The following RIMS4 variants were observed in gnomAD, a reference collection of about 807,000 sequenced individuals.
RIMS4 encodes regulating synaptic membrane exocytosis protein 4.
A neutral mutation model predicts 29.0 loss-of-function variants in RIMS4; 9 were observed. The observed-to-expected ratio is 0.31, with a 90% CI of 0.19 to 0.54. The LOEUF (loss-of-function observed/expected upper bound fraction) is 0.54. Ranked by LOEUF, RIMS4 falls within the 20% of genes least tolerant of loss-of-function variation. RIMS4 has a pLI of 0.94. For synonymous variants in RIMS4, 130 were observed against 152.9 expected (o/e 0.85, Z 1.10); for missense variants, 193 against 365.7 (o/e 0.53, Z 3.85).
intron 1 of RIMS4, among the ~76,000 whole-genome samples, chr20:44,782,865 C>T (rs2066190825): frequency 6.6e-6 from 1 of 152,232 alleles, no homozygotes; most frequent in Admixed American, 6.5e-5. Context: ...GAGAACTCCT[C>T]AAGACACCAA....
chr20:44,766,948 C>A (rs2066116370), intron 2 of RIMS4, among the ~76,000 whole-genome samples: 1 of 152,200 alleles, frequency 6.6e-6, no homozygotes. Flanking sequence ...TCGTTAAGAG[C>A]TGGAATATAA....
At chr20:44,792,449 T>A (rs2066237185) in intron 1 of RIMS4, among the ~76,000 whole-genome samples, 1 of 152,070 alleles carries the variant, frequency 6.6e-6, no homozygotes, top group African/African-American at 2.4e-5. Context: ...TGTGCCACCA[T>A]GCACAGCTAA....
At chr20:44,777,403 A>G (rs945350552) in intron 1 of RIMS4, among the ~76,000 whole-genome samples, 5 of 152,262 alleles carry the variant, frequency 3.3e-5, no homozygotes, top group African/African-American at 1.2e-4. Context: ...ATGATAAATT[A>G]TGAAAACAGA....
intron 1 of RIMS4, among the ~76,000 whole-genome samples, chr20:44,773,239 G>A (rs66481162): frequency 0.1 from 15,763 of 152,086 alleles, 1,223 homozygotes; most frequent in African/African-American, 0.21. Flanking sequence ...GTGGGAGAGC[G>A]TGTGTGCCCC....
intron 4 of RIMS4, 66 bp downstream of exon 4, chr20:44,757,604 C>G (rs1394855396): frequency 7.6e-7 from 1 of 1,314,008 alleles, no homozygotes; most frequent in African/African-American, 1.4e-5. Context: ...TCAAGGCCCT[C>G]AGTACCCATC....
chr20:44,757,897 C>T, intron 3 of RIMS4, 126 bp from the exon 4 acceptor site: 1 of 975,400 alleles, frequency 1.0e-6, no homozygotes, highest in Non-Finnish European at 1.6e-6. Context: ...AAGACCAGAA[C>T]CAACTCCCAC....
intron 2 of RIMS4, among the ~76,000 whole-genome samples, chr20:44,769,414 C>G (rs1214850129): frequency 6.6e-6 from 1 of 152,202 alleles, no homozygotes; most frequent in Non-Finnish European, 1.5e-5. Context: ...CAGATATTTA[C>G]TGGCCTCAAA....
intron 1 of RIMS4, among the ~76,000 whole-genome samples, chr20:44,806,988 T>C (rs2066301622): frequency 6.6e-6 from 1 of 152,200 alleles, no homozygotes; most frequent in Admixed American, 6.5e-5. Context: ...TCCATGTTAT[T>C]ATTTTTCTTC....
chr20:44,805,142 A>G (rs1314576605), intron 1 of RIMS4, among the ~76,000 whole-genome samples: 1 of 148,180 alleles, frequency 6.7e-6, no homozygotes, highest in African/African-American at 2.5e-5. Flanking sequence ...CTACAAAAAG[A>G]AAAAAAAAAG....
intron 1 of RIMS4, among the ~76,000 whole-genome samples, chr20:44,802,532 G>A (rs1309127720): frequency 1.3e-5 from 2 of 152,174 alleles, no homozygotes; most frequent in African/African-American, 4.8e-5. Flanking sequence ...TGGGTCAGGT[G>A]AGATTCGAAG....
In RIMS4 at chr20:44,756,296, A is replaced by G. The variant is rs748890848; in HGVS notation, c.648T>C (p.Ala216=). ...RMERKQFMGV[A]RVLLEELDLT... is the part of the protein sequence containing the mutation. ...AGTCCAGCTCCTCCAGCAGCACGCG[A>G]GCCACACCCATGAACTGCTTCCGCT... Residue 216 remains alanine, a synonymous_variant, in exon 6 of 6, where the codon GCT becomes GCC. Transcript: ENST00000372851. The surrounding 1 kb of genome is among the most constrained non-coding windows in gnomAD (Gnocchi z 5.9). 1.9e-5 allele frequency: 30 copies of G among 1,614,022 alleles called. No individual in the cohort carries two copies. Among genetic ancestry groups the G allele is most frequent in the Non-Finnish European group, 2.5e-5 (29 of 1,179,996 alleles).
chr20:44,808,743 C>G (rs1352688565), intron 1 of RIMS4, among the ~76,000 whole-genome samples: 1 of 152,188 alleles, frequency 6.6e-6, no homozygotes, highest in Non-Finnish European at 1.5e-5. Context: ...ATTCATTCAC[C>G]AGTCAACAAA....
chr20:44,759,939 T>C lies in RIMS4; in HGVS notation c.237-1755A>G, dbSNP rs546626624. Among the ~76,000 whole-genome samples, 5 of 152,312 alleles carry C rather than the reference T, an allele frequency of 3.3e-5. No individual in the cohort carries two copies. In the East Asian group the frequency reaches 9.6e-4, roughly 29 times the overall value. On this transcript the variant is annotated intron_variant, in intron 2 of 5. Transcript: ENST00000372851. ...CCTTTTCCTGATTTCCTACTACCCC[T>C]GGCTTGCTTTCCCCATTCAGACAGT... is the stretch of plus-strand genomic sequence containing the variant.
chr20:44,786,541 G>A (rs530843350), intron 1 of RIMS4, among the ~76,000 whole-genome samples: 20 of 152,304 alleles, frequency 1.3e-4, no homozygotes, highest in African/African-American at 4.8e-4. Flanking sequence ...CAAGACAGAT[G>A]GGGGTCCTCA....
chr20:44,794,283 C>T (rs900869485), intron 1 of RIMS4, among the ~76,000 whole-genome samples: 1 of 152,124 alleles, frequency 6.6e-6, no homozygotes, highest in Non-Finnish European at 1.5e-5. Context: ...TCGCTTTCTT[C>T]CCCAGCAAGG....
chr20:44,801,136 A>G (rs1369676948), intron 1 of RIMS4, among the ~76,000 whole-genome samples: 1 of 152,184 alleles, frequency 6.6e-6, no homozygotes. Flanking sequence ...ACAGCTAGAA[A>G]GGGCCAGAGA....
At chr20:44,807,946 G>A (rs569303233) in intron 1 of RIMS4, among the ~76,000 whole-genome samples, 1 of 152,146 alleles carries the variant, frequency 6.6e-6, no homozygotes, top group African/African-American at 2.4e-5. Context: ...TTTCTACACA[G>A]TAAGGTCTGG....
At chr20:44,807,868 G>GCA (rs1341138114) in intron 1 of RIMS4, among the ~76,000 whole-genome samples, 2 of 151,880 alleles carry the variant, frequency 1.3e-5, no homozygotes, top group African/African-American at 4.8e-5. Context: ...CAGACAGTGA[G>GCA]CACAAGATGC....
chr20:44,796,814 T>C (rs184386889), intron 1 of RIMS4, among the ~76,000 whole-genome samples: 49 of 152,360 alleles, frequency 3.2e-4, no homozygotes, highest in African/African-American at 1.1e-3. Flanking sequence ...AACAAATGCT[T>C]GGAAGAGCTG....
Sources: gnomAD v4.1 joint callset for allele counts (sites outside exome capture counted in the v4.1 genomes callset) on GRCh38, gnomAD v4.1.1 for gene constraint, Gnocchi (gnomAD v3.1) non-coding constraint, MANE v1.5 for transcripts, NCBI Gene and HGNC (gene_info 2026-07-23, HGNC 2026-07-21) for gene names.